The following GAS7 variants were observed in gnomAD, a reference collection of about 807,000 sequenced individuals.
The protein encoded by GAS7 is growth arrest specific 7, also known as growth arrest-specific protein 7.
A neutral mutation model predicts 71.1 loss-of-function variants in GAS7; 28 were observed. The observed-to-expected ratio is 0.39, with a 90% confidence interval of 0.29 to 0.54. The LOEUF (loss-of-function observed/expected upper bound fraction) is 0.54, where lower values mean the gene tolerates loss of function less well. Ranked by LOEUF, GAS7 falls within the 20% of genes least tolerant of loss-of-function variation. The pLI is 0.62. For missense variants in GAS7, 436 were observed against 627.8 expected, an observed-to-expected ratio of 0.69 and a Z score of 3.27; for synonymous variants, 258 against 245.8, an observed-to-expected ratio of 1.05 and a Z score of -0.46.
rs1019886189 is a variant in GAS7 at position 10,195,546 on chromosome 17, T to C, written c.183+2662A>G. On this transcript the variant is annotated intron_variant, in intron 1 of 13. Transcript: ENST00000432992. ...TCCCATCCCTAGGCCAGGAGGCTAG[T>C]ACAGTCCATCTGTCTGTACTTGTTT... Among the ~76,000 whole-genome samples, 5 of 152,194 alleles carry C rather than the reference T, an allele frequency of 3.3e-5. No homozygotes were observed. In the East Asian group the frequency reaches 9.6e-4, roughly 29 times the overall value.
At chr17:10,081,294 A>G (rs905664248) in intron 1 of GAS7, among the ~76,000 whole-genome samples, 2 of 152,020 alleles carry the variant, frequency 1.3e-5, no homozygotes, top group Admixed American at 6.6e-5. Context: ...AGCTGGGATT[A>G]CAGGCATGTG....
Position 10,103,205 on chromosome 17 carries a change from G to C in GAS7, c.184-83308C>G, listed in dbSNP as rs776173387. The stretch of plus-strand genomic sequence containing the variant: ...CCTCCTCTAAAAAAATTAGCCAGGC[G>C]TGGTGGTGCACACTTGTGGTCCTAG... On this transcript the variant is annotated intron_variant, in intron 1 of 13. Transcript: ENST00000432992. This position sits in a 1 kb window ranked among gnomAD's most constrained non-coding sequence, Gnocchi z 5.5. Among the ~76,000 whole-genome samples the C allele has an allele frequency of 1.3e-5, 2 of 151,954 alleles. No individual in the cohort carries two copies. Among genetic ancestry groups the C allele is most frequent in the South Asian group, 4.2e-4 (2 of 4,806 alleles).
chr17:9,959,703 C>T lies in GAS7; in HGVS notation c.472-448G>A, dbSNP rs1322749232. Among the ~76,000 whole-genome samples the T allele has an allele frequency of 6.6e-6, 1 of 152,162 alleles. No individual in the cohort carries two copies. ...ATTCTGAAACCCCCCGGGTCCAAAA[C>T]GTCAAACCTAAATACACACAATGTG... On this transcript the variant is annotated intron_variant, in intron 4 of 13. Coordinates refer to ENST00000432992, the MANE Select transcript of GAS7 (RefSeq NM_201433.2). The surrounding 1 kb of genome is among the most constrained non-coding windows in gnomAD (Gnocchi z 5.0).
chr17:10,047,990 T>C (rs923690587), intron 1 of GAS7, among the ~76,000 whole-genome samples: 31 of 152,318 alleles, frequency 2.0e-4, no homozygotes, highest in African/African-American at 7.0e-4. Flanking sequence ...TAATAATGAA[T>C]TGCAAAAATA....
chr17:10,076,182 G>A (rs1344343411), intron 1 of GAS7, among the ~76,000 whole-genome samples: 1 of 111,962 alleles, frequency 8.9e-6, no homozygotes, highest in Admixed American at 9.5e-5. Context: ...AAAGGGAAAG[G>A]GAAGTGGAAA....
chr17:10,105,647 T>A (rs2073749623), intron 1 of GAS7, among the ~76,000 whole-genome samples: 1 of 152,152 alleles, frequency 6.6e-6, no homozygotes, highest in Admixed American at 6.5e-5. Context: ...AGTTTAAGCG[T>A]CACCGCTCCA....
chr17:10,005,131 A>G (rs1280704980), intron 2 of GAS7, among the ~76,000 whole-genome samples: 1 of 104,556 alleles, frequency 9.6e-6, no homozygotes, highest in Non-Finnish European at 1.8e-5. Flanking sequence ...GCATACCAGC[A>G]TGTGTGCGCG....
At chr17:10,180,580 G>A (rs2074407150) in intron 1 of GAS7, among the ~76,000 whole-genome samples, 1 of 152,014 alleles carries the variant, frequency 6.6e-6, no homozygotes, top group Non-Finnish European at 1.5e-5. Flanking sequence ...TCTCCAGCAC[G>A]AAATAATAAT....
intron 1 of GAS7, among the ~76,000 whole-genome samples, chr17:10,024,609 C>T (rs957885956): frequency 1.3e-5 from 2 of 152,158 alleles, no homozygotes; most frequent in Non-Finnish European, 2.9e-5. Flanking sequence ...TAATAAAACG[C>T]GGCCTCTTCC....
Position 9,969,736 on chromosome 17 carries a change from G to A in GAS7, c.412C>T (p.Pro138Ser), listed in dbSNP as rs775313395. 11 of 1,611,966 alleles carry A rather than the reference G, an allele frequency of 6.8e-6. No homozygotes were observed. The highest frequency in any genetic ancestry group is 9.3e-6 in the Non-Finnish European group (11 of 1,178,162). The part of the protein sequence containing the change: ...TVNGYHASGT[P>S]AHPPETAHMS... Reference sequence around the variant, plus strand: ...TGGGCAGTCTCTGGAGGGTGCGCTGGGGTCCCTGATGCGTGGTATCCATTC... The same window carrying A: ...TGGGCAGTCTCTGGAGGGTGCGCTGAGGTCCCTGATGCGTGGTATCCATTC... Residue 138 changes from proline to serine, a missense_variant, in exon 4 of 14, where the codon CCA (proline) becomes TCA (serine). Transcript: ENST00000432992. The surrounding 1 kb of genome is among the most constrained non-coding windows in gnomAD (Gnocchi z 5.5).
chr17:10,049,304 C>G (rs1425540360), intron 1 of GAS7, among the ~76,000 whole-genome samples: 1 of 152,142 alleles, frequency 6.6e-6, no homozygotes, highest in Non-Finnish European at 1.5e-5. Flanking sequence ...TTGGGTAAGA[C>G]CAATAAACCA....
intron 2 of GAS7, among the ~76,000 whole-genome samples, chr17:10,012,959 C>T (rs527766203): frequency 1.3e-5 from 2 of 151,824 alleles, no homozygotes; most frequent in Admixed American, 6.6e-5. Flanking sequence ...AAAAATTAGC[C>T]GGGCGTGGTG....
At chr17:10,160,202 G>C (rs1359139977) in intron 1 of GAS7, among the ~76,000 whole-genome samples, 1 of 152,066 alleles carries the variant, frequency 6.6e-6, no homozygotes, top group Non-Finnish European at 1.5e-5. Flanking sequence ...GACCCTGTCT[G>C]GCCAGGTATG....
At position 10,169,584 on chromosome 17, in the gene GAS7, GA is replaced by G. The variant is rs2074320335; in HGVS notation, c.183+28623del. Among the ~76,000 whole-genome samples, 3 of 152,214 alleles carry G rather than the reference GA, an allele frequency of 2.0e-5. No individual in the cohort carries two copies. In the South Asian group the frequency reaches 6.2e-4, roughly 32 times the overall value. ...CGATGACTCCATGGCTGCCTTCACT[GA>G]ACCCAGGGAGAACTGTCTGGTTTCC... is the stretch of plus-strand genomic sequence containing the variant. On this transcript the variant is annotated intron_variant, in intron 1 of 13. Transcript: ENST00000432992.
intron 1 of GAS7, among the ~76,000 whole-genome samples, chr17:10,130,329 TAAAAAAAA>T (rs35108339): frequency 7.8e-6 from 1 of 127,442 alleles, no homozygotes; most frequent in South Asian, 2.5e-4. Context: ...AGCTATGATT[TAAAAAAAA>T]AAAAAAAAAA....
chr17:9,919,567 C>G lies in GAS7; in HGVS notation c.1218+59G>C, dbSNP rs1057064446. 8.0e-7 allele frequency: 1 copy of G among 1,254,234 alleles called. No individual in the cohort carries two copies. Among genetic ancestry groups the G allele is most frequent in the African/African-American group, 1.5e-5 (1 of 67,972 alleles). 77.7% of individuals were successfully genotyped at this position (1,254,234 alleles called of 1,614,324 possible). Reference sequence around the variant, plus strand: ...CATCCCCGCGCCCACCAACAACCACCAGGGGCTGCTCTGTGTCAGCCTCTG... The same window carrying G: ...CATCCCCGCGCCCACCAACAACCACGAGGGGCTGCTCTGTGTCAGCCTCTG... On this transcript the variant is annotated intron_variant, in intron 12 of 13. Coordinates refer to ENST00000432992, the MANE Select transcript of GAS7 (RefSeq NM_201433.2). The surrounding 1 kb of genome is among the most constrained non-coding windows in gnomAD (Gnocchi z 5.0).
At chr17:10,061,709 G>A (rs1342202951) in intron 1 of GAS7, among the ~76,000 whole-genome samples, 1 of 152,180 alleles carries the variant, frequency 6.6e-6, no homozygotes, top group East Asian at 1.9e-4. Context: ...GCTGTAGGAA[G>A]GGGCAGCTGT....
rs952684055 is a variant in GAS7 at position 9,926,545 on chromosome 17, G to C, written c.1014+96C>G. The C allele has an allele frequency of 5.1e-5, 67 of 1,322,058 alleles. No individual in the cohort carries two copies. The highest frequency in any genetic ancestry group is 6.7e-5 in the Non-Finnish European group (62 of 931,694). The allele number at this position is 1,322,058 out of a possible 1,614,324, so 81.9% of individuals were successfully genotyped here. ...TCCCCTACCTGGGGACAAAGACTCA[G>C]CCTTGGCGTATGGAGCCACTGCTGG... On this transcript the variant is annotated intron_variant, in intron 10 of 13. Coordinates refer to ENST00000432992, the MANE Select transcript of GAS7 (RefSeq NM_201433.2). The surrounding 1 kb of genome is among the most constrained non-coding windows in gnomAD (Gnocchi z 5.0).
chr17:10,000,927 C>T (rs1020464352), intron 2 of GAS7, among the ~76,000 whole-genome samples: 1 of 152,162 alleles, frequency 6.6e-6, no homozygotes, highest in African/African-American at 2.4e-5. Flanking sequence ...GTCATCATCT[C>T]CTTGCCTTCC....
Sources: gnomAD v4.1 joint callset for allele counts (sites outside exome capture counted in the v4.1 genomes callset) on GRCh38, gnomAD v4.1.1 for gene constraint, Gnocchi (gnomAD v3.1) non-coding constraint, MANE v1.5 for transcripts, NCBI Gene and HGNC (gene_info 2026-07-23, HGNC 2026-07-21) for gene names.